The following GLIS3 variants were observed in gnomAD, a reference collection of about 807,000 sequenced individuals.
GLIS3 encodes zinc finger protein GLIS3.
GLIS3 carries 53 observed loss-of-function variants against 78.6 expected under a neutral mutation model. That is an observed-to-expected ratio of 0.67 (90% CI 0.54 to 0.85). The LOEUF (loss-of-function observed/expected upper bound fraction) is 0.85. GLIS3 is among the 40% of genes least tolerant of loss of function. The pLI is 0.00. For missense variants in GLIS3, 1,703 were observed against 1,231.1 expected (o/e 1.38, Z -5.74); for synonymous variants, 684 against 509.9 (o/e 1.34, Z -4.60).
chr9:3,902,240 G>A lies in GLIS3; in HGVS notation c.1984-3405C>T, dbSNP rs369220444. On this transcript the variant is annotated intron_variant, in intron 6 of 10. Transcript: ENST00000381971. ...AATTGAACAAGCTTAGGAACCTTAA[G>A]TAAAATTTCCAAAGGAGAGCCGTAT... Among the ~76,000 whole-genome samples, 42 of 152,300 alleles carry A rather than the reference G, an allele frequency of 2.8e-4. 1 individual carries two copies. The highest frequency in any genetic ancestry group is 2.3e-3 in the South Asian group (11 of 4,824).
At chr9:4,011,837 C>T (rs1234756145) in intron 4 of GLIS3, among the ~76,000 whole-genome samples, 1 of 152,070 alleles carries the variant, frequency 6.6e-6, no homozygotes, top group African/African-American at 2.4e-5. Flanking sequence ...CTGCTCTTAA[C>T]ATTTTTTTTT....
chr9:4,473,319 G>T, the GLIS3 span, among the ~76,000 whole-genome samples: 1 of 151,948 alleles, frequency 6.6e-6, no homozygotes, highest in Non-Finnish European at 1.5e-5. Flanking sequence ...GATGGTGGGC[G>T]CCTGGAATCC....
intron 4 of GLIS3, among the ~76,000 whole-genome samples, chr9:3,959,936 G>A (rs571271778): frequency 6.6e-6 from 1 of 152,310 alleles, no homozygotes; most frequent in South Asian, 2.1e-4. Context: ...CGGACCACCT[G>A]AGGTCAGGAG....
At chr9:4,211,674 T>C (rs1355523746) in intron 2 of GLIS3, among the ~76,000 whole-genome samples, 2 of 152,344 alleles carry the variant, frequency 1.3e-5, no homozygotes, top group African/African-American at 4.8e-5. Context: ...TAAATATTTA[T>C]TCAGAAGAAA....
intron 4 of GLIS3, among the ~76,000 whole-genome samples, chr9:4,050,526 A>C (rs962871542): frequency 1.3e-5 from 2 of 152,142 alleles, no homozygotes; most frequent in East Asian, 3.8e-4. Context: ...CAGCAAGCCA[A>C]CATGGCACAT....
At chr9:4,395,783 T>TC in the GLIS3 span, among the ~76,000 whole-genome samples, 47 of 151,182 alleles carry the variant, frequency 3.1e-4, no homozygotes, top group African/African-American at 1.1e-3. Flanking sequence ...TTTTCTTTTT[T>TC]TTTTTTTTTG....
intron 4 of GLIS3, among the ~76,000 whole-genome samples, chr9:3,969,738 C>A (rs1205855699): frequency 6.6e-6 from 1 of 152,186 alleles, no homozygotes; most frequent in Non-Finnish European, 1.5e-5. Context: ...TCCCTTGTTT[C>A]TGAGTTCCAT....
At chr9:4,419,746 C>G in the GLIS3 span, among the ~76,000 whole-genome samples, 3 of 152,084 alleles carry the variant, frequency 2.0e-5, no homozygotes, top group African/African-American at 4.8e-5. Context: ...CGCCACTGCA[C>G]TCCAGCCTGG....
chr9:4,022,600 T>A (rs989873494), intron 4 of GLIS3, among the ~76,000 whole-genome samples: 1 of 152,170 alleles, frequency 6.6e-6, no homozygotes, highest in African/African-American at 2.4e-5. Flanking sequence ...AATGCAAACA[T>A]CTGTCCACAG....
At chr9:4,364,133 C>T in the GLIS3 span, among the ~76,000 whole-genome samples, 1 of 152,118 alleles carries the variant, frequency 6.6e-6, no homozygotes, top group Non-Finnish European at 1.5e-5. Context: ...AATAAAATAT[C>T]CAAGGGTCTC....
the GLIS3 span, among the ~76,000 whole-genome samples, chr9:4,388,411 G>A: frequency 6.6e-6 from 1 of 152,190 alleles, no homozygotes; most frequent in Admixed American, 6.5e-5. Context: ...AGGTGTGGTG[G>A]CTCACGCCTG....
intron 8 of GLIS3, among the ~76,000 whole-genome samples, chr9:3,857,525 T>G (rs534838561): frequency 4.3e-4 from 65 of 152,072 alleles, no homozygotes; most frequent in South Asian, 6.2e-4. Context: ...CCATGTGAGG[T>G]GTGATGAGAC....
intron 2 of GLIS3, among the ~76,000 whole-genome samples, chr9:4,276,710 T>C (rs1393427337): frequency 6.6e-6 from 1 of 152,196 alleles, no homozygotes; most frequent in Non-Finnish European, 1.5e-5. Context: ...CCCCCTTTTA[T>C]AATTGGAACA....
chr9:3,916,774 TAATAA>T, intron 6 of GLIS3, among the ~76,000 whole-genome samples: 1 of 152,338 alleles, frequency 6.6e-6, no homozygotes, highest in South Asian at 2.1e-4. Context: ...CTCTTTGCAT[TAATAA>T]AATATTTTAA....
At chr9:4,405,918 C>A in the GLIS3 span, among the ~76,000 whole-genome samples, 1 of 152,320 alleles carries the variant, frequency 6.6e-6, no homozygotes, top group South Asian at 2.1e-4. Flanking sequence ...GTTCAACATA[C>A]GTCCATCAAT....
At chr9:4,188,698 T>C (rs1339634839) in intron 2 of GLIS3, among the ~76,000 whole-genome samples, 1 of 152,204 alleles carries the variant, frequency 6.6e-6, no homozygotes, top group Admixed American at 6.5e-5. Context: ...TATTCAGAGA[T>C]TCAACTTCTT....
the GLIS3 span, among the ~76,000 whole-genome samples, chr9:4,432,444 C>T: frequency 3.3e-5 from 5 of 152,112 alleles, no homozygotes; most frequent in African/African-American, 1.2e-4. Flanking sequence ...TTGGCCATAA[C>T]ACAGCTAGGT....
chr9:4,088,929 G>A (rs566232991), intron 4 of GLIS3, among the ~76,000 whole-genome samples: 1 of 152,252 alleles, frequency 6.6e-6, no homozygotes, highest in East Asian at 1.9e-4. Context: ...TTCATTCCTC[G>A]AGAAAAAAAT....
At chr9:4,313,739 A>C (rs918857037) in intron 2 of GLIS3, among the ~76,000 whole-genome samples, 5 of 152,100 alleles carry the variant, frequency 3.3e-5, no homozygotes, top group African/African-American at 1.2e-4. Flanking sequence ...CTTAAGATCA[A>C]GTTCCAATGC....
Sources: gnomAD v4.1 joint callset for allele counts (sites outside exome capture counted in the v4.1 genomes callset) on GRCh38, gnomAD v4.1.1 for gene constraint, MANE v1.5 for transcripts, NCBI Gene and HGNC (gene_info 2026-07-23, HGNC 2026-07-21) for gene names.